Variants in SLC8A1 observed in about 807,000 individuals in gnomAD.
The protein encoded by SLC8A1 is sodium/calcium exchanger 1.
Under a neutral mutation model 68.3 loss-of-function variants are expected in SLC8A1, and 18 were observed. The ratio of observed to expected loss-of-function variants is 0.26; its 90% CI spans 0.18 to 0.39. The LOEUF (loss-of-function observed/expected upper bound fraction) is 0.39, where lower values mean the gene tolerates loss of function less well. Among genes scored for constraint, SLC8A1 ranks in the 10% least tolerant of loss-of-function variants. SLC8A1 has a pLI of 1.00. For synonymous variants in SLC8A1, 475 were observed against 415.5 expected (o/e 1.14, Z -1.74); for missense variants, 985 against 1,156.7 (o/e 0.85, Z 2.15).
At chr2:40,437,105 T>C (rs747130541) in intron 1 of SLC8A1, among the ~76,000 whole-genome samples, 1 of 152,206 alleles carries the variant, frequency 6.6e-6, no homozygotes, top group Non-Finnish European at 1.5e-5. Flanking sequence ...TTCATGAAAG[T>C]AAGCTGGCTA....
intron 2 of SLC8A1, among the ~76,000 whole-genome samples, chr2:40,240,532 A>G (rs2148959961): frequency 1.3e-5 from 2 of 152,292 alleles, no homozygotes; most frequent in South Asian, 4.1e-4. Flanking sequence ...GCTATATCCA[A>G]CAAGTCCCAG....
intron 1 of SLC8A1, chr2:40,446,502 TAAATTAA>T (rs1271571836): frequency 6.6e-6 from 1 of 152,208 alleles, no homozygotes; most frequent in Non-Finnish European, 1.5e-5. Context: ...TCTTTCTGAA[TAAATTAA>T]AATGCTTCCT....
rs748726484 is a variant in SLC8A1, at chr2:40,419,570, TTCTC to T, written c.1808+8899_1808+8902del. Among the ~76,000 whole-genome samples, 65 of 152,234 alleles carry T rather than the reference TTCTC, an allele frequency of 4.3e-4. 1 individual carries two copies. The highest frequency in any genetic ancestry group is 9.2e-4 in the Admixed American group (14 of 15,272). On this transcript the variant is annotated intron_variant, in intron 2 of 7. Coordinates refer to ENST00000406785, the Ensembl canonical transcript of SLC8A1. The stretch of plus-strand genomic sequence containing the variant: ...CCTCCATCTTTGCCCCTGTCTCTTT[TTCTC>T]TCTCTGTCAGGTGATATACAAATCC...
At chr2:40,185,762 G>A (rs1272343475) in intron 2 of SLC8A1, among the ~76,000 whole-genome samples, 2 of 152,156 alleles carry the variant, frequency 1.3e-5, no homozygotes, top group African/African-American at 2.4e-5. Context: ...TGTAAATTAT[G>A]TCTTAATAAA....
At chr2:40,445,302 G>C (rs1559713594) in intron 1 of SLC8A1, among the ~76,000 whole-genome samples, 1 of 152,046 alleles carries the variant, frequency 6.6e-6, no homozygotes, top group African/African-American at 2.4e-5. Context: ...GAGGACCCTA[G>C]GTTGGTTCAT....
At chr2:40,235,874 G>T (rs1574476952) in intron 2 of SLC8A1, among the ~76,000 whole-genome samples, 1 of 151,454 alleles carries the variant, frequency 6.6e-6, no homozygotes, top group Non-Finnish European at 1.5e-5. Context: ...AGTCATTCAG[G>T]AGCAGGTTGT....
At chr2:40,167,511 G>A (rs1391867175) in intron 4 of SLC8A1, among the ~76,000 whole-genome samples, 2 of 152,146 alleles carry the variant, frequency 1.3e-5, no homozygotes, top group East Asian at 1.9e-4. Flanking sequence ...AACCAAAGCA[G>A]TATGGGAATG....
intron 2 of SLC8A1, among the ~76,000 whole-genome samples, chr2:40,336,111 G>C (rs1272924537): frequency 2.6e-5 from 4 of 152,156 alleles, no homozygotes; most frequent in African/African-American, 9.7e-5. Context: ...AAGAGCAAAT[G>C]GCTGTTCTCT....
At chr2:40,108,678 A>T (rs1002656417) in exon 8 of SLC8A1, 1 of 152,074 alleles carries the variant, frequency 6.6e-6, no homozygotes, top group South Asian at 2.1e-4. Flanking sequence ...TGGTCATATC[A>T]CTGTTAGGTT....
intron 2 of SLC8A1, chr2:40,251,261 G>C (rs977960129): frequency 6.6e-6 from 1 of 152,152 alleles, no homozygotes; most frequent in Non-Finnish European, 1.5e-5. Context: ...GTCAGAGATA[G>C]ATATAAAAAA....
chr2:40,431,533 T>C (rs141712708), intron 1 of SLC8A1, among the ~76,000 whole-genome samples: 1 of 152,096 alleles, frequency 6.6e-6, no homozygotes, highest in African/African-American at 2.4e-5. Flanking sequence ...ACTCAGACCT[T>C]ACATCCCTTC....
intron 2 of SLC8A1, among the ~76,000 whole-genome samples, chr2:40,223,008 C>T (rs1158206356): frequency 6.6e-6 from 1 of 152,068 alleles, no homozygotes; most frequent in Non-Finnish European, 1.5e-5. Flanking sequence ...CCTAGCAATC[C>T]CATTACTGGT....
At chr2:40,424,500 T>C (rs897113086) in intron 2 of SLC8A1, among the ~76,000 whole-genome samples, 1 of 151,252 alleles carries the variant, frequency 6.6e-6, no homozygotes, top group African/African-American at 2.4e-5. Flanking sequence ...CCAAAAAGAG[T>C]AAAATGTGAT....
chr2:40,244,638 C>T (rs1312300652), intron 2 of SLC8A1, among the ~76,000 whole-genome samples: 1 of 123,572 alleles, frequency 8.1e-6, no homozygotes, highest in Non-Finnish European at 1.8e-5. Flanking sequence ...CAATTTTAGC[C>T]TGTCTATGCA....
chr2:40,408,787 T>G (rs1419727130), intron 2 of SLC8A1, among the ~76,000 whole-genome samples: 2 of 152,144 alleles, frequency 1.3e-5, no homozygotes, highest in Non-Finnish European at 2.9e-5. Context: ...TCATACAAAT[T>G]TATTATCCCT....
intron 2 of SLC8A1, among the ~76,000 whole-genome samples, chr2:40,377,905 TTA>T (rs1680443520): frequency 6.6e-6 from 1 of 152,154 alleles, no homozygotes; most frequent in Non-Finnish European, 1.5e-5. Context: ...CAAAATGTTT[TTA>T]TTTCACCCTG....
exon 7 of SLC8A1, chr2:40,139,633 G>A (rs1445650054): frequency 1.9e-6 from 3 of 1,613,938 alleles, no homozygotes; most frequent in Non-Finnish European, 2.5e-6. Flanking sequence ...CGAAACAGGA[G>A]GGCAGCTTCT....
chr2:40,350,358 G>A (rs143109014), intron 2 of SLC8A1, among the ~76,000 whole-genome samples: 48 of 151,992 alleles, frequency 3.2e-4, no homozygotes, highest in Non-Finnish European at 6.2e-4. Flanking sequence ...GTGTAGGCCT[G>A]TAGTCCCAGC....
intron 2 of SLC8A1, among the ~76,000 whole-genome samples, chr2:40,303,531 T>C (rs1303746044): frequency 1.3e-5 from 2 of 152,176 alleles, no homozygotes; most frequent in Non-Finnish European, 2.9e-5. Flanking sequence ...TCTTGGACCA[T>C]CTCAAATTTG....
Sources: allele counts gnomAD v4.1 joint callset (sites outside exome capture counted in the v4.1 genomes callset), GRCh38; gene constraint gnomAD v4.1.1; transcripts MANE v1.5; gene names NCBI Gene and HGNC (gene_info 2026-07-23, HGNC 2026-07-21).